Variants in CCDC6 observed in about 807,000 individuals in gnomAD.
CCDC6 encodes the protein coiled-coil domain containing 6, also known as coiled-coil domain-containing protein 6.
A neutral mutation model predicts 56.6 loss-of-function variants in CCDC6; 20 were observed. The observed-to-expected ratio is 0.35, with a 90% confidence interval of 0.25 to 0.51. The LOEUF (loss-of-function observed/expected upper bound fraction) is 0.51. CCDC6 is among the 20% of genes least tolerant of loss of function. The pLI is 0.95. For synonymous variants in CCDC6, 241 were observed against 234.4 expected (o/e 1.03, Z -0.26); for missense variants, 367 against 601.1 (o/e 0.61, Z 4.07).
At chr10:59,875,982 A>T (rs2071275281) in intron 1 of CCDC6, among the ~76,000 whole-genome samples, 1 of 151,316 alleles carries the variant, frequency 6.6e-6, no homozygotes, top group Non-Finnish European at 1.5e-5. Context: ...CCCAAAAAAA[A>T]TAACGGTTGT....
At position 59,828,369 on chromosome 10, in the gene CCDC6, G is replaced by A. The variant is rs535193628; in HGVS notation, c.582+4156C>T. On this transcript the variant is annotated intron_variant, in intron 3 of 8. Transcript: ENST00000263102. Reference sequence around the variant, plus strand: ...AGACCACACAATTTTACATTATCCTGAATATGCTTTTTTACATCTGCTTAT... The same window carrying A: ...AGACCACACAATTTTACATTATCCTAAATATGCTTTTTTACATCTGCTTAT... Among the ~76,000 whole-genome samples the A allele has an allele frequency of 7.2e-5, 11 of 152,180 alleles. No homozygotes were observed. In the South Asian group the frequency reaches 2.3e-3, roughly 32 times the overall value.
rs145637732 is a variant in CCDC6 at position 59,807,223 on chromosome 10, A to G, written c.848-145T>C. The G allele has an allele frequency of 6.3e-3, 4,437 of 706,714 alleles. 22 individuals carry two copies. Among genetic ancestry groups the G allele is most frequent in the Middle Eastern group, 8.8e-3 (22 of 2,498 alleles). 43.8% of individuals were successfully genotyped at this position (706,714 alleles called of 1,614,324 possible). On this transcript the variant is annotated intron_variant, in intron 5 of 8. Coordinates refer to ENST00000263102, the MANE Select transcript of CCDC6 (RefSeq NM_005436.5). ...TTTCTGGTCGGGTATGGTGGCTCAC[A>G]CTTGTAATCCTGGCACTTGGGGAGG...
intron 1 of CCDC6, among the ~76,000 whole-genome samples, chr10:59,870,216 G>A (rs1044227185): frequency 2.0e-5 from 3 of 152,132 alleles, no homozygotes; most frequent in African/African-American, 7.2e-5. Context: ...GTTAACATAT[G>A]GGCAACTCAT....
rs2070453926 is a variant in CCDC6 at position 59,789,966 on chromosome 10, T to C, written c.*2951A>G. 4.6e-6 allele frequency: 1 copy of C among 217,340 alleles called. No homozygotes were observed. The highest frequency in any genetic ancestry group is 2.2e-5 in the African/African-American group (1 of 44,490). The allele number at this position is 217,340 out of a possible 1,614,324, so 13.5% of individuals were successfully genotyped here. The stretch of plus-strand genomic sequence containing the variant: ...GTCAAAGCCACTTTCTGGTCACACA[T>C]TCATTCCATGGTTGCTAGTCAGTAT... On this transcript the variant is annotated 3_prime_UTR_variant, in exon 9 of 9. Coordinates refer to ENST00000263102, the MANE Select transcript of CCDC6 (RefSeq NM_005436.5).
At chr10:59,867,251 T>C (rs1010709192) in intron 1 of CCDC6, among the ~76,000 whole-genome samples, 2 of 152,142 alleles carry the variant, frequency 1.3e-5, no homozygotes. Flanking sequence ...CCCAACCACC[T>C]GATGGACCCC....
chr10:59,887,347 C>T (rs1310188819), intron 1 of CCDC6, among the ~76,000 whole-genome samples: 1 of 151,894 alleles, frequency 6.6e-6, no homozygotes, highest in Non-Finnish European at 1.5e-5. Flanking sequence ...AGGAATTATC[C>T]CCTCTGATAC....
chr10:59,894,021 T>C (rs2071443645), intron 1 of CCDC6, among the ~76,000 whole-genome samples: 1 of 152,088 alleles, frequency 6.6e-6, no homozygotes, highest in Non-Finnish European at 1.5e-5. Flanking sequence ...TCCCTAACGG[T>C]AAAGGGTTGA....
intron 1 of CCDC6, among the ~76,000 whole-genome samples, chr10:59,870,913 C>T (rs2071223108): frequency 6.6e-6 from 1 of 152,210 alleles, no homozygotes; most frequent in African/African-American, 2.4e-5. Context: ...ATGAACTGAG[C>T]AGCTGTATTT....
chr10:59,846,345 T>C (rs968041180), intron 2 of CCDC6, among the ~76,000 whole-genome samples: 2 of 152,212 alleles, frequency 1.3e-5, no homozygotes, highest in Non-Finnish European at 1.5e-5. Context: ...GATAGAAGAA[T>C]AATTCTGTTG....
At chr10:59,873,112 G>C (rs2086323974) in intron 1 of CCDC6, among the ~76,000 whole-genome samples, 2 of 152,136 alleles carry the variant, frequency 1.3e-5, no homozygotes, top group African/African-American at 4.8e-5. Context: ...CTCTGGCGGT[G>C]CTACAGTATA....
intron 1 of CCDC6, among the ~76,000 whole-genome samples, chr10:59,863,435 C>T (rs1383987302): frequency 6.6e-6 from 1 of 152,166 alleles, no homozygotes; most frequent in Non-Finnish European, 1.5e-5. Flanking sequence ...AAATATTATG[C>T]TACGTGATAG....
At chr10:59,802,925 T>A (rs1167517534) in intron 7 of CCDC6, among the ~76,000 whole-genome samples, 1 of 152,232 alleles carries the variant, frequency 6.6e-6, no homozygotes, top group Non-Finnish European at 1.5e-5. Context: ...ATCTTTAATA[T>A]GAATCAGCAT....
rs745652970 is a variant in CCDC6 at position 59,792,719 on chromosome 10, A to G, written c.*198T>C. 14 of 767,924 alleles carry G rather than the reference A, an allele frequency of 1.8e-5. No homozygotes were observed. The Admixed American group carries it at 2.4e-4, about 13-fold the overall frequency. The allele number at this position is 767,924 out of a possible 1,614,324, so 47.6% of individuals were successfully genotyped here. ...ATTCAAGTAAAACACTGATGGAAAA[A>G]GTCGTCTGGTTAGTGTTGTAGACCC... is the stretch of plus-strand genomic sequence containing the variant. On this transcript the variant is annotated 3_prime_UTR_variant, in exon 9 of 9. Transcript: ENST00000263102.
intron 1 of CCDC6, among the ~76,000 whole-genome samples, chr10:59,897,634 G>C (rs1057168059): frequency 1.3e-5 from 2 of 152,108 alleles, no homozygotes; most frequent in Non-Finnish European, 2.9e-5. Context: ...TGAAACTCCA[G>C]GTATAATTAT....
At chr10:59,868,051 C>G (rs1726978801) in intron 1 of CCDC6, among the ~76,000 whole-genome samples, 1 of 152,220 alleles carries the variant, frequency 6.6e-6, no homozygotes, top group Non-Finnish European at 1.5e-5. Context: ...AGCTTTGTTA[C>G]AGGCGTGTCC....
chr10:59,850,126 G>C (rs1220343186), intron 2 of CCDC6, among the ~76,000 whole-genome samples: 1 of 152,162 alleles, frequency 6.6e-6, no homozygotes, highest in Non-Finnish European at 1.5e-5. Flanking sequence ...AACAGCTTCA[G>C]AACTTGCCAG....
Position 59,804,424 on chromosome 10 carries a change from T to G in CCDC6, c.1101A>C (p.Ser367=), listed in dbSNP as rs764467305. Residue 367 remains serine, a synonymous_variant, in exon 7 of 9, where the codon TCA becomes TCC. Coordinates refer to ENST00000263102, the MANE Select transcript of CCDC6 (RefSeq NM_005436.5). ...TAGCCAAAGACATATGCTCACCAGG[T>G]GATATAGGCCTGCTTGAACTCGGAG... is the stretch of plus-strand genomic sequence containing the variant. ...TPSPSSSRPI[S]PGLSYASHTV... 6 of 1,596,846 alleles carry G rather than the reference T, an allele frequency of 3.8e-6. No homozygotes were observed. The highest frequency in any genetic ancestry group is 3.4e-6 in the Non-Finnish European group (4 of 1,164,314).
chr10:59,892,001 C>G (rs978552415), intron 1 of CCDC6, among the ~76,000 whole-genome samples: 2 of 152,190 alleles, frequency 1.3e-5, no homozygotes, highest in African/African-American at 4.8e-5. Flanking sequence ...CACAGACCAC[C>G]CTGGCCCATC....
At chr10:59,889,423 C>T (rs2071405771) in intron 1 of CCDC6, among the ~76,000 whole-genome samples, 1 of 152,200 alleles carries the variant, frequency 6.6e-6, no homozygotes, top group African/African-American at 2.4e-5. Context: ...GATCCTTCTC[C>T]CTAGAATGCC....
Sources: allele counts gnomAD v4.1 joint callset (sites outside exome capture counted in the v4.1 genomes callset), GRCh38; gene constraint gnomAD v4.1.1; transcripts MANE v1.5; gene names NCBI Gene and HGNC (gene_info 2026-07-23, HGNC 2026-07-21).